ADAM9: variants seen among roughly 807,000 people sequenced by gnomAD.
ADAM9 encodes the protein ADAM metallopeptidase domain 9.
ADAM9 carries 54 observed loss-of-function variants against 108.1 expected under a neutral mutation model. The ratio of observed to expected loss-of-function variants is 0.50; its 90% CI spans 0.40 to 0.63. The LOEUF (loss-of-function observed/expected upper bound fraction) is 0.63. ADAM9 is among the 20% of genes least tolerant of loss of function. The pLI is 0.00. For missense variants in ADAM9, 830 were observed against 997.7 expected (o/e 0.83, Z 2.26); for synonymous variants, 316 against 336.0 (o/e 0.94, Z 0.65).
chr8:39,098,538 C>G (rs1347471044), intron 20 of ADAM9, among the ~76,000 whole-genome samples: 1 of 152,220 alleles, frequency 6.6e-6, no homozygotes, highest in Non-Finnish European at 1.5e-5. Context: ...ACTTAACCAA[C>G]TCATTGAATA....
At chr8:39,078,120 G>A (rs549063303) in intron 16 of ADAM9, among the ~76,000 whole-genome samples, 1 of 152,084 alleles carries the variant, frequency 6.6e-6, no homozygotes, top group South Asian at 2.1e-4. Context: ...CAGGTGGGTG[G>A]GCCTTCAAGT....
At chr8:39,048,629 G>A (rs1316854662) in intron 12 of ADAM9, among the ~76,000 whole-genome samples, 1 of 152,106 alleles carries the variant, frequency 6.6e-6, no homozygotes, top group East Asian at 1.9e-4. Flanking sequence ...TTTCCGTATT[G>A]ATCTTCTATC....
At chr8:39,022,097 T>TGTGTGAGA (rs1356591377) in intron 8 of ADAM9, among the ~76,000 whole-genome samples, 3,322 of 136,086 alleles carry the variant, frequency 0.024, 128 homozygotes, top group African/African-American at 0.096. Context: ...TGTGTGTGTG[T>TGTGTGAGA]GAGAGAGAGA....
Position 39,023,278 on chromosome 8 carries a change from A to T in ADAM9, c.867A>T (p.Glu289Asp), listed in dbSNP as rs776143464. ...DVLGNFVQWR[E>D]KFLITRRRHD... ...TGGGGAACTTCGTGCAGTGGCGGGAAAAGTTTCTTATCACACGTCGGAGAC... is the reference window on the plus strand; with the variant it reads ...TGGGGAACTTCGTGCAGTGGCGGGATAAGTTTCTTATCACACGTCGGAGAC... Residue 289 changes from glutamate (E) to aspartate (D), a missense_variant, in exon 9 of 22, where the codon GAA (glutamate) becomes GAT (aspartate). This residue lies in a region of ADAM9 where 381 missense variants were observed against 539.8 expected (regional missense o/e 0.71). Coordinates refer to ENST00000487273, the MANE Select transcript of ADAM9 (RefSeq NM_003816.3). The T allele has an allele frequency of 1.2e-6, 2 of 1,613,514 alleles. No individual in the cohort carries two copies. The highest frequency in any genetic ancestry group is 1.7e-6 in the Non-Finnish European group (2 of 1,179,732).
In ADAM9 at chr8:39,018,932, C is replaced by T. The variant is rs776149008; in HGVS notation, c.672+14C>T. On this transcript the variant is annotated intron_variant, in intron 7 of 21. Coordinates refer to ENST00000487273, the MANE Select transcript of ADAM9 (RefSeq NM_003816.3). ...GACAAGGAAAGGGTAAGATTGGTGA[C>T]AATTTTTCTTCTTTTCCATGAAAAG... The T allele has an allele frequency of 1.9e-6, 3 of 1,613,074 alleles. No homozygotes were observed. The highest frequency in any genetic ancestry group is 3.3e-5 in the Admixed American group (2 of 60,002).
At chr8:39,031,336 C>T (rs909708246) in intron 11 of ADAM9, among the ~76,000 whole-genome samples, 1 of 152,120 alleles carries the variant, frequency 6.6e-6, no homozygotes, top group Non-Finnish European at 1.5e-5. Context: ...TATTGTATTG[C>T]CTTTGCTCCT....
At chr8:39,034,465 C>T (rs1270524869) in intron 11 of ADAM9, among the ~76,000 whole-genome samples, 1 of 152,168 alleles carries the variant, frequency 6.6e-6, no homozygotes, top group Non-Finnish European at 1.5e-5. Context: ...GACCACTGCC[C>T]TTGCTCTTTG....
chr8:39,068,902 C>A (rs550722946), intron 14 of ADAM9, among the ~76,000 whole-genome samples: 8 of 152,078 alleles, frequency 5.3e-5, no homozygotes, highest in African/African-American at 1.4e-4. Flanking sequence ...AAATAAACCT[C>A]CAGTGTTTTG....
rs369017547 is a variant in ADAM9, at chr8:39,023,295, G to A, written c.884G>A (p.Arg295His). 1.2e-6 allele frequency: 2 copies of A among 1,613,268 alleles called. No individual in the cohort carries two copies. Among genetic ancestry groups the A allele is most frequent in the Admixed American group, 1.7e-5 (1 of 59,994 alleles). Residue 295 changes from arginine (R) to histidine (H), a missense_variant, in exon 9 of 22, where the codon CGT (arginine) becomes CAT (histidine). Transcript: ENST00000487273. ...TGGCGGGAAAAGTTTCTTATCACAC[G>A]TCGGAGACATGACAGTGCACAGCTA... is the stretch of plus-strand genomic sequence containing the variant. ...VQWREKFLIT[R>H]RRHDSAQLVL...
At chr8:39,062,183 G>T (rs1017588395) in intron 14 of ADAM9, among the ~76,000 whole-genome samples, 1 of 152,106 alleles carries the variant, frequency 6.6e-6, no homozygotes, top group Non-Finnish European at 1.5e-5. Flanking sequence ...GTACACAAAC[G>T]TTCAGTATAT....
rs1340768150 is a variant in ADAM9, at chr8:39,006,656, C to T, written c.98-1230C>T. Among the ~76,000 whole-genome samples the T allele has an allele frequency of 2.0e-5, 3 of 151,508 alleles. No individual in the cohort carries two copies. The East Asian group carries it at 5.8e-4, about 29-fold the overall frequency. ...TATCGAGAGACTATGTATTGGACTC[C>T]CACATGGTGTGTCTTCCTAAGAGAT... On this transcript the variant is annotated intron_variant, in intron 1 of 21. Transcript: ENST00000487273.
At chr8:39,028,756 A>G (rs1480775159) in intron 11 of ADAM9, among the ~76,000 whole-genome samples, 1 of 152,212 alleles carries the variant, frequency 6.6e-6, no homozygotes, top group Admixed American at 6.5e-5. Context: ...TCTGGGGGGA[A>G]GACAATCTAT....
intron 15 of ADAM9, among the ~76,000 whole-genome samples, chr8:39,072,821 T>G (rs1438069001): frequency 6.6e-6 from 1 of 152,272 alleles, no homozygotes; most frequent in Admixed American, 6.5e-5. Flanking sequence ...GAATTTGATA[T>G]GTTTTCATTA....
intron 12 of ADAM9, among the ~76,000 whole-genome samples, chr8:39,045,375 T>TACACGC (rs1243646588): frequency 1.7e-4 from 3 of 17,324 alleles, no homozygotes; most frequent in African/African-American, 2.3e-4. Flanking sequence ...TGTGTGTACA[T>TACACGC]ACACCTATAG....
At chr8:39,092,892 G>A (rs775493265) in intron 20 of ADAM9, among the ~76,000 whole-genome samples, 4 of 152,040 alleles carry the variant, frequency 2.6e-5, no homozygotes, top group African/African-American at 4.8e-5. Context: ...TGTATTCTTG[G>A]CACCTTCGTT....
chr8:39,026,932 T>A, intron 11 of ADAM9, 122 bp downstream of exon 11: 1 of 1,332,126 alleles, frequency 7.5e-7, no homozygotes, highest in Non-Finnish European at 1.1e-6. Flanking sequence ...TTGCTGAAAT[T>A]AATTGCATGA....
At chr8:39,005,893 T>A (rs1007585290) in intron 1 of ADAM9, among the ~76,000 whole-genome samples, 1 of 152,254 alleles carries the variant, frequency 6.6e-6, no homozygotes, top group Non-Finnish European at 1.5e-5. Flanking sequence ...TTTAATTGGC[T>A]TTGATGGAAC....
At chr8:39,100,812 A>C (rs1278777537) in intron 20 of ADAM9, among the ~76,000 whole-genome samples, 1 of 152,242 alleles carries the variant, frequency 6.6e-6, no homozygotes, top group East Asian at 1.9e-4. Context: ...ATCTTGGTCA[A>C]GGTCACTTCA....
rs866202111 is a variant in ADAM9, at chr8:39,104,813, T to G, written c.*1113T>G. ...TCTTAGCTGTGTTAAAAATGAATTT[T>G]TACTATGGCAGATATGGTATGGATC... On this transcript the variant is annotated 3_prime_UTR_variant, in exon 22 of 22. Transcript: ENST00000487273. 3.5e-5 allele frequency: 16 copies of G among 453,798 alleles called. No homozygotes were observed. Among genetic ancestry groups the G allele is most frequent in the Middle Eastern group, 6.9e-4 (1 of 1,444 alleles). 28.1% of individuals were successfully genotyped at this position (453,798 alleles called of 1,614,324 possible). A position where few individuals can be genotyped will look rare whatever the true frequency, so the allele number is the denominator to read the frequency against.
Sources: gnomAD v4.1 joint callset for allele counts (sites outside exome capture counted in the v4.1 genomes callset) on GRCh38, gnomAD v4.1.1 for gene constraint, gnomAD v4.1.1 regional missense constraint, MANE v1.5 for transcripts, NCBI Gene and HGNC (gene_info 2026-07-23, HGNC 2026-07-21) for gene names.